HCN4: variants seen among roughly 807,000 people sequenced by gnomAD.
HCN4 encodes hyperpolarization activated cyclic nucleotide gated potassium channel 4.
A neutral mutation model predicts 76.9 loss-of-function variants in HCN4; 29 were observed. That is an observed-to-expected ratio of 0.38 (90% CI 0.28 to 0.51). The LOEUF is 0.51. Among genes scored for constraint, HCN4 ranks in the 20% least tolerant of loss-of-function variants. HCN4 has a pLI of 0.90. For synonymous variants in HCN4, 772 were observed against 762.5 expected, an observed-to-expected ratio of 1.01 and a Z score of -0.21; for missense variants, 1,416 against 1,715.2, an observed-to-expected ratio of 0.83 and a Z score of 3.08.
At chr15:73,351,905 C>A (rs2043056477) in intron 1 of HCN4, among the ~76,000 whole-genome samples, 1 of 152,186 alleles carries the variant, frequency 6.6e-6, no homozygotes, top group Non-Finnish European at 1.5e-5. Context: ...ATGGTGCTTT[C>A]TTTGCCTCTG....
At chr15:73,346,054 C>T (rs1001640143) in intron 1 of HCN4, among the ~76,000 whole-genome samples, 4 of 152,336 alleles carry the variant, frequency 2.6e-5, no homozygotes, top group South Asian at 2.1e-4. Flanking sequence ...CCCATTTCCT[C>T]GCACTCTGAC....
chr15:73,336,080 G>A (rs1321179841), intron 2 of HCN4, among the ~76,000 whole-genome samples: 1 of 152,114 alleles, frequency 6.6e-6, no homozygotes, highest in Non-Finnish European at 1.5e-5. Context: ...AACAGAGGAA[G>A]GCAAGCAGGG....
At chr15:73,336,116 C>T (rs1452472438) in intron 2 of HCN4, among the ~76,000 whole-genome samples, 1 of 152,112 alleles carries the variant, frequency 6.6e-6, no homozygotes, top group Non-Finnish European at 1.5e-5. Flanking sequence ...AGTAGAGAGG[C>T]TGGTCCAGGC....
At chr15:73,346,297 G>A (rs2043029382) in intron 1 of HCN4, among the ~76,000 whole-genome samples, 1 of 152,164 alleles carries the variant, frequency 6.6e-6, no homozygotes, top group Non-Finnish European at 1.5e-5. Context: ...CCTCAGTTTT[G>A]TTATCTGCTC....
intron 1 of HCN4, among the ~76,000 whole-genome samples, chr15:73,358,699 GA>G (rs553985113): frequency 6.6e-5 from 10 of 152,206 alleles, no homozygotes; most frequent in Non-Finnish European, 1.5e-4. Flanking sequence ...GGCAGGTTCT[GA>G]ATAAGCAGCC....
chr15:73,337,536 C>A (rs971382790), intron 2 of HCN4, among the ~76,000 whole-genome samples: 2 of 152,218 alleles, frequency 1.3e-5, no homozygotes, highest in Admixed American at 6.5e-5. Context: ...TGTTTTCCTG[C>A]AATGACCTCC....
At chr15:73,361,270 G>A (rs531543433) in intron 1 of HCN4, among the ~76,000 whole-genome samples, 51 of 152,282 alleles carry the variant, frequency 3.3e-4, no homozygotes, top group African/African-American at 1.1e-3. Context: ...CCTCAGATCC[G>A]AGTGGGTGCT....
intron 2 of HCN4, among the ~76,000 whole-genome samples, chr15:73,332,493 G>T (rs2042939160): frequency 6.6e-6 from 1 of 152,200 alleles, no homozygotes; most frequent in East Asian, 1.9e-4. Flanking sequence ...AGGCTGCAGG[G>T]TCCCAGAGGG....
rs2043131905 is a variant in HCN4 at position 73,367,098 on chromosome 15, C to CCTG, written c.785+385_785+387dup. Among the ~76,000 whole-genome samples, 1 of 152,176 alleles carries CCTG rather than the reference C, an allele frequency of 6.6e-6. No homozygotes were observed. The highest frequency in any genetic ancestry group is 1.5e-5 in the Non-Finnish European group (1 of 68,026). Reference sequence around the variant, plus strand: ...TAAGAGGTCTGTCTCTCTTCACGGCCCTGCTCTGCAGGCTGAATGACCCGG... The same window carrying CCTG: ...TAAGAGGTCTGTCTCTCTTCACGGCCCTGCTGCTCTGCAGGCTGAATGACCCGG... On this transcript the variant is annotated intron_variant, in intron 1 of 7. Coordinates refer to ENST00000261917, the MANE Select transcript of HCN4 (RefSeq NM_005477.3). This position sits in a 1 kb window ranked among gnomAD's most constrained non-coding sequence, Gnocchi z 7.5.
Position 73,325,393 on chromosome 15 carries a change from G to A in HCN4, c.1642C>T (p.Arg548Trp), listed in dbSNP as rs2042893178. ...TCGTAGTAGTCGTGGATGCGCTGCC[G>A]GGTGTCGGGCGGGAGCTTGTGAAAG... ...MSFHKLPPDTRQRIHDYYEHR... is the reference protein window; with the variant it reads ...MSFHKLPPDTWQRIHDYYEHR... Residue 548 changes from arginine (R) to tryptophan (W), a missense_variant, in exon 5 of 8, where the codon CGG becomes TGG. By Grantham distance (101) the Arg-to-Trp change is moderately radical (BLOSUM62 -3). Transcript: ENST00000261917. This position sits in a 1 kb window ranked among gnomAD's most constrained non-coding sequence, Gnocchi z 7.4. The A allele has an allele frequency of 1.2e-6, 2 of 1,614,114 alleles. No homozygotes were observed. Among genetic ancestry groups the A allele is most frequent in the South Asian group, 1.1e-5 (1 of 91,086 alleles).
At chr15:73,338,752 C>T (rs1448880891) in intron 2 of HCN4, among the ~76,000 whole-genome samples, 1 of 152,212 alleles carries the variant, frequency 6.6e-6, no homozygotes, top group African/African-American at 2.4e-5. Flanking sequence ...GAACAACTTC[C>T]ACCTGTGTCT....
intron 3 of HCN4, among the ~76,000 whole-genome samples, chr15:73,330,089 G>A (rs1455054309): frequency 6.6e-6 from 1 of 152,114 alleles, no homozygotes; most frequent in Non-Finnish European, 1.5e-5. Flanking sequence ...TCCTGGCTGG[G>A]TAGCAAAGGC....
chr15:73,332,078 C>T (rs2042936508), intron 3 of HCN4, 53 bp downstream of exon 3: 4 of 1,586,940 alleles, frequency 2.5e-6, no homozygotes, highest in South Asian at 1.1e-5. Context: ...GCCACCCTAC[C>T]TCTGGAGAGC....
In HCN4 at chr15:73,367,447, G is replaced by C. The variant is rs769935348; in HGVS notation, c.785+39C>G. ...GTCAGGAGGAGGCATGCCTGCCACC[G>C]CGCAGGGCACCCACAGGATCATCGC... On this transcript the variant is annotated intron_variant, in intron 1 of 7. Coordinates refer to ENST00000261917, the MANE Select transcript of HCN4 (RefSeq NM_005477.3). The surrounding 1 kb of genome is among the most constrained non-coding windows in gnomAD (Gnocchi z 7.5). 1 of 1,611,476 alleles carries C rather than the reference G, an allele frequency of 6.2e-7. No homozygotes were observed.
chr15:73,352,669 T>C (rs745309919), intron 1 of HCN4, among the ~76,000 whole-genome samples: 14 of 152,128 alleles, frequency 9.2e-5, no homozygotes, highest in Non-Finnish European at 2.1e-4. Context: ...CCACCCATAA[T>C]AAGCCTCTCA....
At chr15:73,365,101 C>T (rs1029726971) in intron 1 of HCN4, among the ~76,000 whole-genome samples, 1 of 152,116 alleles carries the variant, frequency 6.6e-6, no homozygotes, top group Non-Finnish European at 1.5e-5. Flanking sequence ...GGCTAAAACT[C>T]TAGAGACCAA....
At chr15:73,331,516 T>C (rs2151217575) in intron 3 of HCN4, among the ~76,000 whole-genome samples, 1 of 152,334 alleles carries the variant, frequency 6.6e-6, no homozygotes, top group Admixed American at 6.5e-5. Flanking sequence ...TCTTGCTCTG[T>C]CACCCAGGCT....
At chr15:73,349,435 G>T (rs1038703657) in intron 1 of HCN4, among the ~76,000 whole-genome samples, 6 of 152,012 alleles carry the variant, frequency 3.9e-5, no homozygotes, top group African/African-American at 4.8e-5. Flanking sequence ...TGAGAGATTT[G>T]CCATATATGG....
chr15:73,325,546 G>A lies in HCN4; in HGVS notation c.1591-102C>T. On this transcript the variant is annotated intron_variant, in intron 4 of 7. Coordinates refer to ENST00000261917, the MANE Select transcript of HCN4 (RefSeq NM_005477.3). This position sits in a 1 kb window ranked among gnomAD's most constrained non-coding sequence, Gnocchi z 7.4. ...ACCACATCCGGGCACCCACCCCGGG[G>A]GATTTCCTGGCTAAACTTGGTTCCT... The A allele has an allele frequency of 8.4e-7, 1 of 1,188,400 alleles. No homozygotes were observed. The highest frequency in any genetic ancestry group is 1.2e-5 in the South Asian group (1 of 81,750). The allele number at this position is 1,188,400 out of a possible 1,614,324, so 73.6% of individuals were successfully genotyped here.
Sources: gnomAD v4.1 joint callset for allele counts (sites outside exome capture counted in the v4.1 genomes callset) on GRCh38, gnomAD v4.1.1 for gene constraint, Gnocchi (gnomAD v3.1) non-coding constraint, MANE v1.5 for transcripts, NCBI Gene and HGNC (gene_info 2026-07-23, HGNC 2026-07-21) for gene names.